PLPPR1: variants seen among roughly 807,000 people sequenced by gnomAD.
The protein encoded by PLPPR1 is phospholipid phosphatase-related protein type 1.
In PLPPR1, 10 loss-of-function variants were observed where a neutral mutation model predicts 33.1. The ratio of observed to expected loss-of-function variants is 0.30; its 90% CI spans 0.19 to 0.51. The LOEUF is 0.51. Among genes scored for constraint, PLPPR1 ranks in the 20% least tolerant of loss-of-function variants. The pLI is 0.97. For synonymous variants in PLPPR1, 151 were observed against 151.0 expected, an observed-to-expected ratio of 1.00 and a Z score of 0.00; for missense variants, 304 against 408.1, an observed-to-expected ratio of 0.74 and a Z score of 2.20.
chr9:101,258,132 A>G (rs1175899823), intron 2 of PLPPR1, among the ~76,000 whole-genome samples: 2 of 152,142 alleles, frequency 1.3e-5, no homozygotes, highest in Non-Finnish European at 2.9e-5. Flanking sequence ...TTAATGGTCA[A>G]TCTAGTACTG....
At chr9:101,202,112 G>A (rs1398130021) in intron 2 of PLPPR1, among the ~76,000 whole-genome samples, 1 of 152,168 alleles carries the variant, frequency 6.6e-6, no homozygotes, top group African/African-American at 2.4e-5. Flanking sequence ...AAAACAAGAA[G>A]TTGCATGAAA....
chr9:101,270,069 G>GT lies in PLPPR1; in HGVS notation c.252+2dup, dbSNP rs1310084838. On this transcript the variant is annotated splice_donor_variant, in intron 3 of 7. Transcript: ENST00000374874. LOFTEE classifies it high-confidence loss of function. ...GCTGGCTGCCACCCCAACTGCTATT[G>GT]TAAGTACAGAAATAGACTTTCCTCT... is the stretch of plus-strand genomic sequence containing the variant. The GT allele has an allele frequency of 6.2e-7, 1 of 1,614,058 alleles. No individual in the cohort carries two copies. Among genetic ancestry groups the GT allele is most frequent in the Non-Finnish European group, 8.5e-7 (1 of 1,179,922 alleles).
intron 4 of PLPPR1, among the ~76,000 whole-genome samples, chr9:101,296,561 A>G (rs1588115793): frequency 6.6e-6 from 1 of 152,214 alleles, no homozygotes; most frequent in African/African-American, 2.4e-5. Flanking sequence ...AATGTCCAAC[A>G]GTGATCCACT....
Position 101,269,867 on chromosome 9 carries a change from G to A in PLPPR1, c.64-13G>A. 6.2e-7 allele frequency: 1 copy of A among 1,613,684 alleles called. No individual in the cohort carries two copies. The highest frequency in any genetic ancestry group is 8.5e-7 in the Non-Finnish European group (1 of 1,179,904). ...CCTGCTAATGTCTCTGTGTGGCCAT[G>A]CTGTATTTTCAGCTTGTCATCATGG... On this transcript the variant is annotated splice_polypyrimidine_tract_variant and intron_variant, in intron 2 of 7. Coordinates refer to ENST00000374874, the MANE Select transcript of PLPPR1 (RefSeq NM_207299.2).
intron 1 of PLPPR1, among the ~76,000 whole-genome samples, chr9:101,082,750 G>C (rs995615544): frequency 1.2e-4 from 18 of 152,180 alleles, no homozygotes; most frequent in African/African-American, 4.3e-4. Context: ...CATGGGCTTT[G>C]GGGAGAGATA....
chr9:101,042,965 T>C (rs1830093827), intron 1 of PLPPR1, among the ~76,000 whole-genome samples: 1 of 152,100 alleles, frequency 6.6e-6, no homozygotes, highest in African/African-American at 2.4e-5. Flanking sequence ...GGTATTTGGT[T>C]ACATGAATAA....
intron 1 of PLPPR1, among the ~76,000 whole-genome samples, chr9:101,161,209 T>A (rs1014290696): frequency 6.6e-6 from 1 of 152,182 alleles, no homozygotes; most frequent in Non-Finnish European, 1.5e-5. Flanking sequence ...TGTTCAAATA[T>A]AGGCTCAATA....
At chr9:101,192,705 T>C (rs1246871862) in intron 2 of PLPPR1, among the ~76,000 whole-genome samples, 1 of 152,030 alleles carries the variant, frequency 6.6e-6, no homozygotes, top group Admixed American at 6.6e-5. Context: ...ACAACCTTGA[T>C]AGTAAGAGAG....
chr9:101,289,803 A>C (rs576805719), intron 4 of PLPPR1, among the ~76,000 whole-genome samples: 9 of 152,274 alleles, frequency 5.9e-5, no homozygotes, highest in African/African-American at 2.2e-4. Context: ...AAATCGCCCA[A>C]CCTCAGGTAT....
chr9:101,152,978 A>G (rs1831611426), intron 1 of PLPPR1, among the ~76,000 whole-genome samples: 1 of 152,164 alleles, frequency 6.6e-6, no homozygotes, highest in Non-Finnish European at 1.5e-5. Flanking sequence ...GAATCTATAA[A>G]TTACTTTGGG....
At chr9:101,233,467 G>C in intron 2 of PLPPR1, among the ~76,000 whole-genome samples, 1 of 151,936 alleles carries the variant, frequency 6.6e-6, no homozygotes, top group East Asian at 1.9e-4. Flanking sequence ...ACGGGGATGG[G>C]AGTTGTCATG....
intron 4 of PLPPR1, among the ~76,000 whole-genome samples, chr9:101,301,824 T>A (rs1299639708): frequency 1.3e-5 from 2 of 152,250 alleles, no homozygotes; most frequent in East Asian, 1.9e-4. Context: ...TTCAATCATC[T>A]TCTTTTTGGA....
At chr9:101,279,035 C>G (rs188770899) in intron 3 of PLPPR1, among the ~76,000 whole-genome samples, 95 of 152,262 alleles carry the variant, frequency 6.2e-4, no homozygotes, top group African/African-American at 2.2e-3. Flanking sequence ...CAAGAACAAT[C>G]AGTAAAACAT....
intron 2 of PLPPR1, among the ~76,000 whole-genome samples, chr9:101,259,977 A>G (rs1827868164): frequency 6.6e-6 from 1 of 152,128 alleles, no homozygotes; most frequent in African/African-American, 2.4e-5. Context: ...ATCGTTTTTT[A>G]GAAATGGAAT....
chr9:101,313,030 G>A, intron 6 of PLPPR1, 56 bp downstream of exon 6: 1 of 1,535,810 alleles, frequency 6.5e-7, no homozygotes, highest in Non-Finnish European at 9.0e-7. Context: ...CTGAAAAACT[G>A]TGAGTCAGGT....
At chr9:101,054,335 G>A (rs771115704) in intron 1 of PLPPR1, among the ~76,000 whole-genome samples, 4 of 150,866 alleles carry the variant, frequency 2.7e-5, no homozygotes, top group African/African-American at 7.3e-5. Context: ...ATTCTATAAC[G>A]TAATTTTCAC....
intron 7 of PLPPR1, among the ~76,000 whole-genome samples, chr9:101,319,130 T>C: frequency 6.6e-6 from 1 of 152,228 alleles, no homozygotes. Context: ...ATTTTCACTA[T>C]TTAACGATTA....
intron 1 of PLPPR1, among the ~76,000 whole-genome samples, chr9:101,180,088 T>C (rs1185780727): frequency 8.3e-6 from 1 of 121,152 alleles, no homozygotes; most frequent in African/African-American, 3.1e-5. Context: ...CTTAATAAAC[T>C]CTCCTTTATA....
At chr9:101,313,823 TC>T (rs1829005057) in intron 6 of PLPPR1, among the ~76,000 whole-genome samples, 1 of 152,236 alleles carries the variant, frequency 6.6e-6, no homozygotes, top group African/African-American at 2.4e-5. Context: ...TTCTCACCCT[TC>T]CTTTTCCCTT....
Sources: allele counts gnomAD v4.1 joint callset (sites outside exome capture counted in the v4.1 genomes callset), GRCh38; gene constraint gnomAD v4.1.1; transcripts MANE v1.5; gene names NCBI Gene and HGNC (gene_info 2026-07-23, HGNC 2026-07-21).